The following DPP6 variants were observed in gnomAD, a reference collection of about 807,000 sequenced individuals.
DPP6 encodes the protein A-type potassium channel modulatory protein DPP6.
DPP6 carries 69 observed loss-of-function variants against 122.6 expected under a neutral mutation model. That is an observed-to-expected ratio of 0.56 (90% confidence interval 0.46 to 0.69). The LOEUF is 0.69. Among genes scored for constraint, DPP6 ranks in the 30% least tolerant of loss-of-function variants. The pLI is 0.00. For missense variants in DPP6, 928 were observed against 1,116.9 expected (o/e 0.83, Z 2.41); for synonymous variants, 418 against 433.1 (o/e 0.97, Z 0.43).
intron 5 of DPP6, among the ~76,000 whole-genome samples, chr7:154,582,266 G>A (rs1832122995): frequency 6.6e-6 from 1 of 152,204 alleles, no homozygotes; most frequent in African/African-American, 2.4e-5. Context: ...GAGGAATTGT[G>A]CTGGTTAGCC....
At chr7:154,281,986 A>G (rs1429179456) in intron 1 of DPP6, among the ~76,000 whole-genome samples, 1 of 152,108 alleles carries the variant, frequency 6.6e-6, no homozygotes, top group Non-Finnish European at 1.5e-5. Flanking sequence ...GATTTGAGAC[A>G]TGGGTCTTTG....
intron 1 of DPP6, among the ~76,000 whole-genome samples, chr7:154,126,704 G>A (rs1409757671): frequency 6.6e-6 from 1 of 151,500 alleles, no homozygotes; most frequent in Non-Finnish European, 1.5e-5. Context: ...CCTGGAAATG[G>A]GGTTGAAATA....
intron 1 of DPP6, among the ~76,000 whole-genome samples, chr7:153,910,324 CG>C (rs762665821): frequency 3.0e-4 from 45 of 151,290 alleles, no homozygotes; most frequent in Non-Finnish European, 5.6e-4. Context: ...CTGCCTCCTG[CG>C]TTCAAGCACT....
chr7:153,973,822 A>G (rs1038806714), intron 1 of DPP6, among the ~76,000 whole-genome samples: 6 of 147,158 alleles, frequency 4.1e-5, no homozygotes, highest in Non-Finnish European at 6.0e-5. Context: ...AGGAAAGAGT[A>G]CCTGTAATAT....
the DPP6 span, among the ~76,000 whole-genome samples, chr7:153,814,809 C>T: frequency 6.6e-6 from 1 of 151,906 alleles, no homozygotes; most frequent in East Asian, 1.9e-4. Flanking sequence ...TCAATATACG[C>T]AAATCAATAA....
chr7:154,315,463 G>T (rs1028750599), intron 1 of DPP6, among the ~76,000 whole-genome samples: 1 of 152,164 alleles, frequency 6.6e-6, no homozygotes, highest in Middle Eastern at 3.4e-3. Context: ...GAGTTCCTAA[G>T]GTTCACATTC....
intron 1 of DPP6, among the ~76,000 whole-genome samples, chr7:153,939,070 C>G (rs1457399298): frequency 6.6e-6 from 1 of 152,070 alleles, no homozygotes; most frequent in Non-Finnish European, 1.5e-5. Flanking sequence ...CTGCAATTTG[C>G]TACAATCAGA....
chr7:153,873,952 A>C, the DPP6 span, among the ~76,000 whole-genome samples: 2 of 152,234 alleles, frequency 1.3e-5, no homozygotes, highest in Non-Finnish European at 2.9e-5. Flanking sequence ...TAGAGTTTGA[A>C]TTGGAATCCC....
intron 6 of DPP6, among the ~76,000 whole-genome samples, chr7:154,659,844 A>G (rs1837500628): frequency 6.6e-6 from 1 of 152,260 alleles, no homozygotes; most frequent in Non-Finnish European, 1.5e-5. Flanking sequence ...AGCAAAAAGA[A>G]AACAATTACC....
At chr7:154,093,952 G>C (rs1805121561) in intron 1 of DPP6, 2 of 152,126 alleles carry the variant, frequency 1.3e-5, no homozygotes, top group South Asian at 4.1e-4. Flanking sequence ...TTTGGGCCAA[G>C]GGTGTTTCCT....
intron 1 of DPP6, among the ~76,000 whole-genome samples, chr7:154,073,387 C>T (rs866600130): frequency 1.9e-4 from 29 of 152,372 alleles, no homozygotes; most frequent in Admixed American, 9.1e-4. Context: ...TCCAAGCCTG[C>T]GCTTCCTCCT....
At chr7:154,406,520 C>T (rs548123961) in intron 1 of DPP6, among the ~76,000 whole-genome samples, 17 of 151,736 alleles carry the variant, frequency 1.1e-4, no homozygotes, top group African/African-American at 4.1e-4. Context: ...CACATCCACG[C>T]ACAAATGCAC....
At chr7:154,566,014 T>C (rs1375935719) in intron 4 of DPP6, among the ~76,000 whole-genome samples, 1 of 152,168 alleles carries the variant, frequency 6.6e-6, no homozygotes, top group African/African-American at 2.4e-5. Flanking sequence ...GATGGTATCA[T>C]TTATGTCGGA....
chr7:153,981,190 T>A (rs1796566671), intron 1 of DPP6, among the ~76,000 whole-genome samples: 1 of 152,240 alleles, frequency 6.6e-6, no homozygotes, highest in Non-Finnish European at 1.5e-5. Flanking sequence ...TAAGTCTCTT[T>A]GTAGTTCTCT....
intron 1 of DPP6, among the ~76,000 whole-genome samples, chr7:154,164,961 G>T (rs573746144): frequency 6.6e-6 from 1 of 152,092 alleles, no homozygotes; most frequent in Admixed American, 6.6e-5. Flanking sequence ...ATAACTGTTA[G>T]ATTTATAATC....
chr7:154,169,499 G>C lies in DPP6; in HGVS notation c.243+116436G>C, dbSNP rs76064872. Among the ~76,000 whole-genome samples the C allele has an allele frequency of 4.0e-3, 613 of 152,248 alleles. 4 individuals carry two copies. Among genetic ancestry groups the C allele is most frequent in the African/African-American group, 0.014 (589 of 41,558 alleles). ...CATACCAGCTATGGGACTTTAGAGA[G>C]GGCATTTTCTCTGTGTCTTGATTTC... On this transcript the variant is annotated intron_variant, in intron 1 of 25. Transcript: ENST00000377770.
chr7:154,774,203 A>T (rs1486029638), intron 10 of DPP6, among the ~76,000 whole-genome samples: 1 of 152,142 alleles, frequency 6.6e-6, no homozygotes, highest in African/African-American at 2.4e-5. Context: ...ACAACTGGTC[A>T]CTGGGGTATC....
intron 5 of DPP6, among the ~76,000 whole-genome samples, chr7:154,576,470 T>G (rs1218623086): frequency 2.6e-5 from 4 of 152,122 alleles, no homozygotes; most frequent in Non-Finnish European, 4.4e-5. Context: ...CACATGCCTT[T>G]TGTAGTAGAA....
intron 8 of DPP6, among the ~76,000 whole-genome samples, chr7:154,759,338 A>G (rs1250008954): frequency 6.6e-6 from 1 of 152,224 alleles, no homozygotes; most frequent in Non-Finnish European, 1.5e-5. Flanking sequence ...AATTAACAGT[A>G]GGGAAGGGAG....
Sources: allele counts gnomAD v4.1 joint callset (sites outside exome capture counted in the v4.1 genomes callset), GRCh38; gene constraint gnomAD v4.1.1; transcripts MANE v1.5; gene names NCBI Gene and HGNC (gene_info 2026-07-23, HGNC 2026-07-21).